PRDM1: variants seen among roughly 807,000 people sequenced by gnomAD.
PRDM1 encodes PR domain zinc finger protein 1.
Under a neutral mutation model 62.8 loss-of-function variants are expected in PRDM1, and 13 were observed. The observed-to-expected ratio is 0.21, with a 90% confidence interval of 0.13 to 0.33. The LOEUF is 0.33. PRDM1 is among the 10% of genes least tolerant of loss of function. The probability of loss-of-function intolerance (pLI) is 1.00; values close to 1 mark genes in which losing one functional copy is unlikely to be tolerated. For missense variants in PRDM1, 895 were observed against 1,058.8 expected (o/e 0.85, Z 2.15); for synonymous variants, 396 against 417.6 (o/e 0.95, Z 0.63).
Position 106,108,521 on chromosome 6 carries a change from CTTTTTTTT to C in PRDM1, c.*1049_*1056del. 1 of 144,850 alleles carries C rather than the reference CTTTTTTTT, an allele frequency of 6.9e-6. No individual in the cohort carries two copies. Among genetic ancestry groups the C allele is most frequent in the Non-Finnish European group, 1.2e-5 (1 of 83,352 alleles). The allele number at this position is 144,850 out of a possible 1,614,324, so 9.0% of individuals were successfully genotyped here. On this transcript the variant is annotated 3_prime_UTR_variant, in exon 7 of 7. Coordinates refer to ENST00000369096, the MANE Select transcript of PRDM1 (RefSeq NM_001198.4). ...GGTGTTTTGTTGTTGGTTTTTGTTG[CTTTTTTTT>C]TTTTTTTTTTTTTAATGTCAAAATT...
chr6:105,996,246 TC>T (rs994812272), intron 1 of PRDM1, among the ~76,000 whole-genome samples: 6 of 152,170 alleles, frequency 3.9e-5, no homozygotes, highest in Admixed American at 3.9e-4. Context: ...TTGTCAAACT[TC>T]CAGTACCCTG....
chr6:106,031,278 G>A (rs76592644), intron 1 of PRDM1, among the ~76,000 whole-genome samples: 4,164 of 152,220 alleles, frequency 0.027, 91 homozygotes, highest in Non-Finnish European at 0.039. Context: ...AAAAGTAAAT[G>A]GACACCTTTT....
intron 1 of PRDM1, among the ~76,000 whole-genome samples, chr6:106,011,209 G>A (rs1019464011): frequency 2.8e-4 from 43 of 152,076 alleles, no homozygotes; most frequent in Admixed American, 5.9e-4. Flanking sequence ...AAGATGTACC[G>A]AAGACTTAAA....
intron 1 of PRDM1, among the ~76,000 whole-genome samples, chr6:106,071,377 G>T (rs1413727736): frequency 2.6e-5 from 4 of 151,676 alleles, no homozygotes; most frequent in Admixed American, 2.6e-4. Context: ...TGTAAGTCAC[G>T]TGTGTATATA....
intron 1 of PRDM1, among the ~76,000 whole-genome samples, chr6:106,032,151 T>G (rs1772851296): frequency 6.6e-6 from 1 of 151,912 alleles, no homozygotes; most frequent in Non-Finnish European, 1.5e-5. Context: ...ATAAAATAGC[T>G]AGGCATATTA....
At chr6:106,021,054 C>A (rs1187260906) in intron 1 of PRDM1, among the ~76,000 whole-genome samples, 5 of 152,084 alleles carry the variant, frequency 3.3e-5, no homozygotes, top group African/African-American at 1.2e-4. Flanking sequence ...AAAAAGTAGG[C>A]CATTCATAAC....
Position 106,088,361 on chromosome 6 carries a change from A to ATTC in PRDM1, c.205_207dup (p.Ser69dup), listed in dbSNP as rs1773868255. 6.2e-7 allele frequency: 1 copy of ATTC among 1,614,016 alleles called. No individual in the cohort carries two copies. Among genetic ancestry groups the ATTC allele is most frequent in the Admixed American group, 1.7e-5 (1 of 60,006 alleles). ...TACATTGTGAACGACCACCCCTGGG[A>ATTC]TTCTGGTGCTGATGGCGGTACTTCG... On this transcript the variant is annotated inframe_insertion, in exon 2 of 7. Transcript: ENST00000369096.
intron 2 of PRDM1, 89 bp downstream of exon 2, chr6:106,088,538 C>T: frequency 7.1e-6 from 10 of 1,405,960 alleles, no homozygotes; most frequent in Non-Finnish European, 9.9e-6. Flanking sequence ...CTCTGAAAAC[C>T]TCTGAGAATC....
chr6:106,038,940 C>G (rs897992098), intron 1 of PRDM1, among the ~76,000 whole-genome samples: 10 of 152,196 alleles, frequency 6.6e-5, no homozygotes, highest in Non-Finnish European at 7.3e-5. Context: ...CCAGAATCCT[C>G]TCTCCCAACT....
chr6:106,088,560 G>A, intron 2 of PRDM1, 111 bp downstream of exon 2: 1 of 1,179,308 alleles, frequency 8.5e-7, no homozygotes, highest in Non-Finnish European at 1.2e-6. Context: ...GTAAGTATCA[G>A]TAAATAATTG....
intron 1 of PRDM1, among the ~76,000 whole-genome samples, chr6:105,996,775 G>T (rs1224433399): frequency 1.3e-5 from 2 of 152,116 alleles, no homozygotes; most frequent in Non-Finnish European, 2.9e-5. Flanking sequence ...TCTATTTGAG[G>T]GTGAAGGGTA....
chr6:106,102,041 T>C (rs34622269), intron 4 of PRDM1, among the ~76,000 whole-genome samples: 5,609 of 152,326 alleles, frequency 0.037, 118 homozygotes, highest in Middle Eastern at 0.054. Context: ...GACTTCTAAA[T>C]GTTAATCTGC....
rs984438139 is a variant in PRDM1 at position 105,994,356 on chromosome 6, C to T, written c.-67+717C>T. On this transcript the variant is annotated intron_variant, in intron 1 of 6. Transcript: ENST00000652320. This position sits in a 1 kb window ranked among gnomAD's most constrained non-coding sequence, Gnocchi z 4.1. ...GCGGCTCTGGATTGGACTGCATTCG[C>T]CTAAATTGCGTAATTAAAAAAAAAA... Among the ~76,000 whole-genome samples, 3 of 113,078 alleles carry T rather than the reference C, an allele frequency of 2.7e-5. No individual in the cohort carries two copies. The highest frequency in any genetic ancestry group is 9.7e-5 in the African/African-American group (3 of 30,856). 74.2% of individuals were successfully genotyped at this position (113,078 alleles called of 152,430 possible). A position where few individuals can be genotyped will look rare whatever the true frequency, so the allele number is the denominator to read the frequency against.
chr6:106,083,482 TTCCC>T (rs1773732243), upstream of PRDM1, among the ~76,000 whole-genome samples: 1 of 152,170 alleles, frequency 6.6e-6, no homozygotes, highest in African/African-American at 2.4e-5. Flanking sequence ...CAATAGTCCT[TTCCC>T]TATAGAGTCA....
upstream of PRDM1, among the ~76,000 whole-genome samples, chr6:106,044,280 AT>A (rs1312990238): frequency 1.4e-5 from 2 of 141,792 alleles, no homozygotes; most frequent in Non-Finnish European, 3.0e-5. Flanking sequence ...TCTTAATTCC[AT>A]TTCTCTTTCT....
At chr6:106,047,152 C>A (rs1486245365), upstream of PRDM1, among the ~76,000 whole-genome samples, 1 of 152,140 alleles carries the variant, frequency 6.6e-6, no homozygotes, top group Non-Finnish European at 1.5e-5. Context: ...TTTGATTTTT[C>A]TGCTAACACC....
At chr6:106,007,203 G>A (rs1772494372) in intron 1 of PRDM1, among the ~76,000 whole-genome samples, 1 of 151,854 alleles carries the variant, frequency 6.6e-6, no homozygotes, top group Non-Finnish European at 1.5e-5. Context: ...AGGCCGAGGA[G>A]GGCGGATCAC....
chr6:106,089,424 C>T (rs576226871), intron 2 of PRDM1, among the ~76,000 whole-genome samples: 6 of 152,238 alleles, frequency 3.9e-5, no homozygotes, highest in East Asian at 1.9e-4. Context: ...TCCTTACAGC[C>T]GTGTCAAATC....
rs1184078468 is a variant in PRDM1, at chr6:106,067,449, C to A, written c.-67+18735C>A. Among the ~76,000 whole-genome samples the A allele has an allele frequency of 5.9e-5, 9 of 152,170 alleles. No individual in the cohort carries two copies. The East Asian group carries it at 1.5e-3, about 26-fold the overall frequency. On this transcript the variant is annotated intron_variant, in intron 1 of 6. Coordinates refer to the PRDM1 transcript ENST00000651185. ...TGACAAGGACTCAGATACTTATATGCCAGTGTTCATAGCAGCATTATTCAC... is the reference window on the plus strand; with the variant it reads ...TGACAAGGACTCAGATACTTATATGACAGTGTTCATAGCAGCATTATTCAC...
Sources: gnomAD v4.1 joint callset for allele counts (sites outside exome capture counted in the v4.1 genomes callset) on GRCh38, gnomAD v4.1.1 for gene constraint, Gnocchi (gnomAD v3.1) non-coding constraint, MANE v1.5 for transcripts, NCBI Gene and HGNC (gene_info 2026-07-23, HGNC 2026-07-21) for gene names.